ERBB4: variants seen among roughly 807,000 people sequenced by gnomAD.
ERBB4 encodes the protein receptor tyrosine-protein kinase erbB-4.
ERBB4 carries 42 observed loss-of-function variants against 158.0 expected under a neutral mutation model. The ratio of observed to expected loss-of-function variants is 0.27; its 90% CI spans 0.21 to 0.34. The LOEUF (loss-of-function observed/expected upper bound fraction) is 0.34. ERBB4 is among the 10% of genes least tolerant of loss of function. The probability of loss-of-function intolerance (pLI) is 1.00; values close to 1 mark genes in which losing one functional copy is unlikely to be tolerated. For synonymous variants in ERBB4, 583 were observed against 558.7 expected (o/e 1.04, Z -0.61); for missense variants, 1,333 against 1,624.1 (o/e 0.82, Z 3.08).
chr2:211,856,393 T>TTTATTTAC (rs2077862145), intron 3 of ERBB4, among the ~76,000 whole-genome samples: 1 of 149,520 alleles, frequency 6.7e-6, no homozygotes, highest in Non-Finnish European at 1.5e-5. Context: ...TATTTATTTA[T>TTTATTTAC]TTATTTATCT....
At chr2:212,341,753 G>T (rs972647409) in intron 1 of ERBB4, among the ~76,000 whole-genome samples, 1 of 152,088 alleles carries the variant, frequency 6.6e-6, no homozygotes, top group African/African-American at 2.4e-5. Context: ...AAACTGGTAA[G>T]AATCTATCTT....
chr2:212,478,739 A>G (rs562038975), intron 1 of ERBB4, among the ~76,000 whole-genome samples: 1 of 152,080 alleles, frequency 6.6e-6, no homozygotes, highest in African/African-American at 2.4e-5. Context: ...TAATATCATA[A>G]CCTAAATGCC....
At position 211,972,311 on chromosome 2, in the gene ERBB4, T is replaced by A. The variant is rs572215667; in HGVS notation, c.235-24695A>T. Among the ~76,000 whole-genome samples the A allele has an allele frequency of 5.3e-5, 8 of 152,238 alleles. No individual in the cohort carries two copies. In the East Asian group the frequency reaches 1.5e-3, roughly 29 times the overall value. ...CATGGATAGGAAGAATCAATATCAT[T>A]AAAATGGTCATACTGCCCAAAGCAA... On this transcript the variant is annotated intron_variant, in intron 2 of 27. Transcript: ENST00000342788.
intron 2 of ERBB4, among the ~76,000 whole-genome samples, chr2:212,061,824 C>A (rs925889123): frequency 6.6e-6 from 1 of 151,430 alleles, no homozygotes; most frequent in Admixed American, 6.6e-5. Flanking sequence ...CAAACTCCAC[C>A]TCCTGGGTTC....
In ERBB4 at chr2:211,376,032, G is replaced by T. The variant is rs2062466347; in HGVS notation, c.*7583C>A. The T allele has an allele frequency of 4.3e-6, 1 of 232,936 alleles. No individual in the cohort carries two copies. The highest frequency in any genetic ancestry group is 8.5e-6 in the Non-Finnish European group (1 of 117,656). The allele number at this position is 232,936 out of a possible 1,614,324, so 14.4% of individuals were successfully genotyped here. The stretch of plus-strand genomic sequence containing the variant: ...GGATGGGTAAAAGGTTGGAGGAGAA[G>T]AAAGAATAAGAGAAAGTATACTAAA... On this transcript the variant is annotated 3_prime_UTR_variant, in exon 28 of 28. Transcript: ENST00000342788.
At chr2:211,508,719 A>G (rs1256967929) in intron 20 of ERBB4, among the ~76,000 whole-genome samples, 1 of 152,172 alleles carries the variant, frequency 6.6e-6, no homozygotes, top group East Asian at 1.9e-4. Flanking sequence ...ACATATGTGT[A>G]TTACTATTTA....
chr2:212,299,044 T>A (rs934154625), intron 1 of ERBB4, among the ~76,000 whole-genome samples: 5 of 151,756 alleles, frequency 3.3e-5, no homozygotes, highest in Admixed American at 3.3e-4. Flanking sequence ...GTCACTGAGT[T>A]AAAGGCTTTA....
intron 1 of ERBB4, among the ~76,000 whole-genome samples, chr2:212,138,465 G>A (rs2080343126): frequency 6.6e-6 from 1 of 152,112 alleles, no homozygotes; most frequent in African/African-American, 2.4e-5. Flanking sequence ...CTGGCATTCT[G>A]TAGCCTTCTT....
chr2:212,162,382 A>C (rs2081228923), intron 1 of ERBB4, among the ~76,000 whole-genome samples: 1 of 151,900 alleles, frequency 6.6e-6, no homozygotes, highest in Non-Finnish European at 1.5e-5. Flanking sequence ...ATCTTGGTCC[A>C]AAAAATTAAA....
In ERBB4 at chr2:211,661,396, T is replaced by C. The variant is rs1179692399; in HGVS notation, c.1872-3568A>G. Among the ~76,000 whole-genome samples, 3 of 151,958 alleles carry C rather than the reference T, an allele frequency of 2.0e-5. No individual in the cohort carries two copies. In the South Asian group the frequency reaches 6.2e-4, roughly 31 times the overall value. ...TGAATCAAAATCTAGAATAGTAGAA[T>C]TATAAAAAAAAGTGTTTCAAAGTGG... On this transcript the variant is annotated intron_variant, in intron 15 of 27. Transcript: ENST00000342788.
chr2:212,094,278 A>C (rs1282752261), intron 2 of ERBB4, among the ~76,000 whole-genome samples: 1 of 149,902 alleles, frequency 6.7e-6, no homozygotes, highest in Non-Finnish European at 1.5e-5. Flanking sequence ...ATAATAATAA[A>C]ATAAAATAAA....
intron 2 of ERBB4, among the ~76,000 whole-genome samples, chr2:211,960,426 T>C (rs201660135): frequency 2.6e-5 from 4 of 152,114 alleles, no homozygotes; most frequent in African/African-American, 9.7e-5. Flanking sequence ...TGGACAATAA[T>C]AGAGGACCAA....
chr2:211,647,094 A>G (rs1350157950), intron 16 of ERBB4, among the ~76,000 whole-genome samples: 1 of 151,660 alleles, frequency 6.6e-6, no homozygotes, highest in Non-Finnish European at 1.5e-5. Flanking sequence ...ATTTATCTGT[A>G]TCTTTATCCT....
intron 1 of ERBB4, among the ~76,000 whole-genome samples, chr2:212,453,401 A>G (rs193024291): frequency 6.6e-6 from 1 of 152,276 alleles, no homozygotes; most frequent in Admixed American, 6.5e-5. Flanking sequence ...CCCAAGCTAT[A>G]TCTAGCAATT....
chr2:212,329,530 C>T (rs1423043542), intron 1 of ERBB4, among the ~76,000 whole-genome samples: 1 of 152,018 alleles, frequency 6.6e-6, no homozygotes, highest in Non-Finnish European at 1.5e-5. Context: ...TGAATTTTTA[C>T]TCATGTAACC....
chr2:212,054,068 C>T (rs567695503), intron 2 of ERBB4, among the ~76,000 whole-genome samples: 15 of 152,238 alleles, frequency 9.9e-5, no homozygotes, highest in African/African-American at 3.6e-4. Context: ...TAACCTCCTT[C>T]CCCTCCTCCT....
At chr2:211,603,642 C>T (rs555942487) in intron 19 of ERBB4, among the ~76,000 whole-genome samples, 1 of 152,292 alleles carries the variant, frequency 6.6e-6, no homozygotes, top group African/African-American at 2.4e-5. Context: ...TAATCTTGGT[C>T]TTCACTCAAT....
At chr2:212,493,193 A>T (rs1690373938) in intron 1 of ERBB4, among the ~76,000 whole-genome samples, 1 of 151,518 alleles carries the variant, frequency 6.6e-6, no homozygotes, top group African/African-American at 2.4e-5. Context: ...GACTTTAGTT[A>T]TTTATTGAAA....
intron 20 of ERBB4, among the ~76,000 whole-genome samples, chr2:211,445,972 A>AAGAG (rs2064102777): frequency 6.6e-6 from 1 of 152,172 alleles, no homozygotes; most frequent in Non-Finnish European, 1.5e-5. Flanking sequence ...TTTGTAAAGG[A>AAGAG]AGAGACATTT....
Sources: gnomAD v4.1 joint callset for allele counts (sites outside exome capture counted in the v4.1 genomes callset) on GRCh38, gnomAD v4.1.1 for gene constraint, MANE v1.5 for transcripts, NCBI Gene and HGNC (gene_info 2026-07-23, HGNC 2026-07-21) for gene names.